The following KIF3B variants were observed in gnomAD, a reference collection of about 807,000 sequenced individuals.
The protein encoded by KIF3B is kinesin-like protein KIF3B.
A neutral mutation model predicts 74.3 loss-of-function variants in KIF3B; 38 were observed. The ratio of observed to expected loss-of-function variants is 0.51; its 90% confidence interval spans 0.39 to 0.67. KIF3B has a LOEUF of 0.67. KIF3B is among the 30% of genes least tolerant of loss of function. KIF3B has a pLI of 0.00. For missense variants in KIF3B, 649 were observed against 932.0 expected (o/e 0.70, Z 3.95); for synonymous variants, 326 against 342.5 (o/e 0.95, Z 0.53).
chr20:32,298,751 C>T (rs1169908373), intron 1 of KIF3B, among the ~76,000 whole-genome samples: 4 of 151,966 alleles, frequency 2.6e-5, no homozygotes, highest in Non-Finnish European at 5.9e-5. Context: ...TGACTGTAAC[C>T]TCCACCTCCT....
intron 1 of KIF3B, among the ~76,000 whole-genome samples, chr20:32,299,661 G>T (rs4911214): frequency 6.6e-6 from 1 of 151,284 alleles, no homozygotes; most frequent in African/African-American, 2.4e-5. Flanking sequence ...ATCCTCCGGC[G>T]TCAGCCTCCC....
chr20:32,316,796 A>G lies in KIF3B; in HGVS notation c.1670A>G (p.Asp557Gly), dbSNP rs1461923617. ...CAGGCAGTGAAGGCTGAGATCCATGACCTCCAAGAAGAACACATCAAGGAG... is the reference window on the plus strand; with the variant it reads ...CAGGCAGTGAAGGCTGAGATCCATGGCCTCCAAGAAGAACACATCAAGGAG... The part of the protein sequence containing the change: ...KLQAVKAEIH[D>G]LQEEHIKERQ... Residue 557 changes from aspartate (D) to glycine (G), a missense_variant, in exon 5 of 9, where the codon GAC becomes GGC. Asp to Gly is a moderately conservative substitution (Grantham distance 94, BLOSUM62 -1). Transcript: ENST00000375712. The G allele has an allele frequency of 6.2e-7, 1 of 1,614,024 alleles. No homozygotes were observed. The highest frequency in any genetic ancestry group is 8.5e-7 in the Non-Finnish European group (1 of 1,179,986).
At chr20:32,329,537 C>T (rs1447969719) in intron 7 of KIF3B, among the ~76,000 whole-genome samples, 1 of 152,092 alleles carries the variant, frequency 6.6e-6, no homozygotes, top group Non-Finnish European at 1.5e-5. Context: ...GTACCCAGCA[C>T]TTGACTGCTT....
chr20:32,306,872 C>T (rs962708524), intron 1 of KIF3B, among the ~76,000 whole-genome samples: 1 of 151,976 alleles, frequency 6.6e-6, no homozygotes, highest in Non-Finnish European at 1.5e-5. Flanking sequence ...GGATTACAGG[C>T]GTGAGCCACC....
intron 1 of KIF3B, among the ~76,000 whole-genome samples, chr20:32,302,638 G>A (rs2047749701): frequency 7.9e-5 from 12 of 152,108 alleles, no homozygotes; most frequent in Admixed American, 7.9e-4. Context: ...TCCCTGTCCT[G>A]CCCTGCCATT....
rs367743069 is a variant in KIF3B, at chr20:32,331,343, C to T, written c.*24C>T. The T allele has an allele frequency of 7.7e-6, 12 of 1,567,624 alleles. No homozygotes were observed. The highest frequency in any genetic ancestry group is 3.4e-4 in the Middle Eastern group (2 of 5,864). On this transcript the variant is annotated 3_prime_UTR_variant, in exon 9 of 9. Transcript: ENST00000375712. ...AAAGCCAGCTTCTCCTCTCCCAGGG[C>T]GGAAACAGCATTTGCCTTCTGAGAG...
At chr20:32,289,671 GT>G (rs1364555549) in intron 1 of KIF3B, among the ~76,000 whole-genome samples, 8 of 152,068 alleles carry the variant, frequency 5.3e-5, no homozygotes, top group African/African-American at 9.7e-5. Context: ...ATTCATGGTG[GT>G]TATATAAAGT....
intron 1 of KIF3B, among the ~76,000 whole-genome samples, chr20:32,279,945 A>C (rs936051024): frequency 6.6e-6 from 1 of 152,252 alleles, no homozygotes; most frequent in South Asian, 2.1e-4. Flanking sequence ...GCTGTGTGCT[A>C]CTGAGCAAAG....
chr20:32,316,934 G>A, intron 5 of KIF3B, 60 bp downstream of exon 5: 1 of 1,279,754 alleles, frequency 7.8e-7, no homozygotes, highest in South Asian at 1.2e-5. Flanking sequence ...GATCTCGTTT[G>A]TTTAGTTAGA....
intron 1 of KIF3B, among the ~76,000 whole-genome samples, chr20:32,285,154 A>G (rs1416063574): frequency 6.6e-6 from 1 of 152,150 alleles, no homozygotes; most frequent in Non-Finnish European, 1.5e-5. Context: ...ATCAAGGGAA[A>G]AACTTCTGAG....
chr20:32,332,592 G>T lies in KIF3B; in HGVS notation c.*1273G>T, dbSNP rs1395421244. Reference sequence around the variant, plus strand: ...AAGTTTTAGTTCCTTGTATTATTGAGATTCAGAGCTTCATTTTATGTTGGT... The same window carrying T: ...AAGTTTTAGTTCCTTGTATTATTGATATTCAGAGCTTCATTTTATGTTGGT... On this transcript the variant is annotated 3_prime_UTR_variant, in exon 9 of 9. Coordinates refer to ENST00000375712, the MANE Select transcript of KIF3B (RefSeq NM_004798.4). The T allele has an allele frequency of 6.6e-6, 1 of 152,196 alleles. No individual in the cohort carries two copies. Among genetic ancestry groups the T allele is most frequent in the Non-Finnish European group, 1.5e-5 (1 of 68,044 alleles). The allele number at this position is 152,196 out of a possible 1,614,324, so 9.4% of individuals were successfully genotyped here.
intron 5 of KIF3B, 103 bp downstream of exon 5, chr20:32,316,977 TGTAATCCCA>T: frequency 1.2e-6 from 1 of 843,510 alleles, no homozygotes; most frequent in Non-Finnish European, 2.0e-6. Flanking sequence ...GGCCTACGCC[TGTAATCCCA>T]GTGTTTTGGG....
intron 5 of KIF3B, among the ~76,000 whole-genome samples, chr20:32,318,068 G>A (rs1397863776): frequency 6.6e-6 from 1 of 152,096 alleles, no homozygotes; most frequent in Non-Finnish European, 1.5e-5. Context: ...TTGGGAGGCC[G>A]AGGCAGGTGG....
At chr20:32,295,625 C>T (rs577878240) in intron 1 of KIF3B, among the ~76,000 whole-genome samples, 2 of 152,002 alleles carry the variant, frequency 1.3e-5, no homozygotes, top group South Asian at 4.2e-4. Flanking sequence ...CCTGTAATAA[C>T]AACAGAATAT....
intron 7 of KIF3B, among the ~76,000 whole-genome samples, chr20:32,328,701 G>A (rs1365719690): frequency 6.6e-6 from 1 of 151,954 alleles, no homozygotes; most frequent in African/African-American, 2.4e-5. Flanking sequence ...ACTTCAAAAT[G>A]GCTCTGTGGG....
Position 32,316,316 on chromosome 20 carries a change from G to A in KIF3B, c.1503G>A (p.Glu501=), listed in dbSNP as rs2047827263. ...ILEQKRQEIA[E]QKRREREIQQ... ...AGCAGAAACGACAGGAAATTGCAGA[G>A]CAGGTAACTTTTCATTCTTTTTCAG... is the stretch of plus-strand genomic sequence containing the variant. Residue 501 remains glutamate, a synonymous_variant, in exon 3 of 9, where the codon GAG becomes GAA. Transcript: ENST00000375712. The A allele has an allele frequency of 6.2e-7, 1 of 1,608,878 alleles. No homozygotes were observed. The highest frequency in any genetic ancestry group is 8.5e-7 in the Non-Finnish European group (1 of 1,175,206).
chr20:32,289,324 G>A lies in KIF3B; in HGVS notation c.-66+11559G>A, dbSNP rs554843374. Among the ~76,000 whole-genome samples, 97 of 151,792 alleles carry A rather than the reference G, an allele frequency of 6.4e-4. 1 individual carries two copies. Among genetic ancestry groups the A allele is most frequent in the Admixed American group, 2.2e-3 (34 of 15,176 alleles). On this transcript the variant is annotated intron_variant, in intron 1 of 8. Coordinates refer to ENST00000375712, the MANE Select transcript of KIF3B (RefSeq NM_004798.4). ...GTTCTCTGCCTCAGCCTCCTGAGTA[G>A]CTGGGATTACAGGTGCCTGCCACCA...
At chr20:32,328,158 T>C (rs947142424) in intron 7 of KIF3B, among the ~76,000 whole-genome samples, 1 of 151,940 alleles carries the variant, frequency 6.6e-6, no homozygotes, top group Admixed American at 6.6e-5. Flanking sequence ...GCGCAGTGGC[T>C]GATGCCTGTA....
chr20:32,321,326 G>A (rs1302391085), intron 5 of KIF3B, among the ~76,000 whole-genome samples: 1 of 151,962 alleles, frequency 6.6e-6, no homozygotes, highest in East Asian at 1.9e-4. Context: ...CTACTCAGGA[G>A]GCTGAGGCAG....
Sources: gnomAD v4.1 joint callset for allele counts (sites outside exome capture counted in the v4.1 genomes callset) on GRCh38, gnomAD v4.1.1 for gene constraint, MANE v1.5 for transcripts, NCBI Gene and HGNC (gene_info 2026-07-23, HGNC 2026-07-21) for gene names.